CDIN1: variants seen among roughly 807,000 people sequenced by gnomAD.
CDIN1 encodes CDAN1 interacting nuclease 1, also known as CDAN1-interacting nuclease 1.
A neutral mutation model predicts 45.3 loss-of-function variants in CDIN1; 33 were observed. That is an observed-to-expected ratio of 0.73 (90% CI 0.55 to 0.97). CDIN1 has a LOEUF of 0.97. Ranked by LOEUF, CDIN1 falls within the 50% of genes least tolerant of loss-of-function variation. CDIN1 has a pLI of 0.00. For synonymous variants in CDIN1, 118 were observed against 124.4 expected, an observed-to-expected ratio of 0.95 and a Z score of 0.34; for missense variants, 303 against 339.4, an observed-to-expected ratio of 0.89 and a Z score of 0.84.
At chr15:36,755,408 A>G (rs534524856) in intron 10 of CDIN1, among the ~76,000 whole-genome samples, 47 of 152,128 alleles carry the variant, frequency 3.1e-4, no homozygotes, top group Non-Finnish European at 6.0e-4. Context: ...CGCTCATTGA[A>G]TCGCTGTTTT....
chr15:36,753,419 A>G (rs1473708127), intron 10 of CDIN1, among the ~76,000 whole-genome samples: 2 of 152,124 alleles, frequency 1.3e-5, no homozygotes, highest in East Asian at 1.9e-4. Flanking sequence ...GGGATCATGT[A>G]GATGGTTTGC....
At chr15:36,791,296 A>G (rs1467410101) in intron 10 of CDIN1, among the ~76,000 whole-genome samples, 5 of 152,196 alleles carry the variant, frequency 3.3e-5, no homozygotes, top group African/African-American at 1.2e-4. Context: ...TTCAATGTCT[A>G]CTGTGTGCCA....
chr15:36,648,204 T>C, intron 3 of CDIN1, among the ~76,000 whole-genome samples: 1 of 152,110 alleles, frequency 6.6e-6, no homozygotes, highest in Non-Finnish European at 1.5e-5. Context: ...TCTACTGGCA[T>C]TTTTCATTTT....
intron 10 of CDIN1, chr15:36,804,663 C>T (rs2055164547): frequency 7.7e-6 from 1 of 129,400 alleles, no homozygotes; most frequent in Admixed American, 8.8e-5. Context: ...TGAAATGAAA[C>T]CAGAGAATCA....
Position 36,808,716 on chromosome 15 carries a change from GAT to G in CDIN1, c.*265_*266del. 2.0e-6 allele frequency: 1 copy of G among 506,462 alleles called. No homozygotes were observed. The highest frequency in any genetic ancestry group is 2.0e-5 in the South Asian group (1 of 50,320). The allele number at this position is 506,462 out of a possible 1,614,324, so 31.4% of individuals were successfully genotyped here. A position where few individuals can be genotyped will look rare whatever the true frequency, so the allele number is the denominator to read the frequency against. ...GTCTCTGTCAAACAATTAGTTTATAGATAGTCATAATCTTTCTTTCTTCCGGA... is the reference window on the plus strand; with the variant it reads ...GTCTCTGTCAAACAATTAGTTTATAGAGTCATAATCTTTCTTTCTTCCGGA... On this transcript the variant is annotated 3_prime_UTR_variant, in exon 11 of 11. Coordinates refer to ENST00000566621, the MANE Select transcript of CDIN1 (RefSeq NM_001321759.2).
chr15:36,646,808 A>G (rs1358527135), intron 3 of CDIN1, among the ~76,000 whole-genome samples: 2 of 152,148 alleles, frequency 1.3e-5, no homozygotes, highest in African/African-American at 4.8e-5. Flanking sequence ...TTTCCTGGAA[A>G]TTCGGAGATC....
At chr15:36,808,186 T>G in intron 10 of CDIN1, 138 bp from the exon 11 acceptor site, 1 of 1,158,748 alleles carries the variant, frequency 8.6e-7, no homozygotes. Flanking sequence ...TTGGCTATTT[T>G]CAGTCACAAT....
chr15:36,704,649 T>C lies in CDIN1; in HGVS notation c.545-4574T>C, dbSNP rs572108180. The C allele has an allele frequency of 2.6e-5, 4 of 152,162 alleles. No homozygotes were observed. In the South Asian group the frequency reaches 8.3e-4, roughly 32 times the overall value. The allele number at this position is 152,162 out of a possible 1,614,324, so 9.4% of individuals were successfully genotyped here. On this transcript the variant is annotated intron_variant, in intron 8 of 10. Coordinates refer to ENST00000566621, the MANE Select transcript of CDIN1 (RefSeq NM_001321759.2). ...TAGTTTTAATATGTATTGATACATG[T>C]CTTTTTGCCCTCCCCCAATTTAGTA...
intron 1 of CDIN1, among the ~76,000 whole-genome samples, chr15:36,588,403 A>G (rs970696331): frequency 6.6e-6 from 1 of 152,164 alleles, no homozygotes; most frequent in Non-Finnish European, 1.5e-5. Flanking sequence ...TCAATTTTCT[A>G]CACTTCTGAT....
At chr15:36,671,851 CTTGTG>C (rs1333645660) in intron 5 of CDIN1, among the ~76,000 whole-genome samples, 4 of 151,996 alleles carry the variant, frequency 2.6e-5, no homozygotes, top group Admixed American at 1.3e-4. Flanking sequence ...AAAATTGAGC[CTTGTG>C]TTGTGTGCAG....
chr15:36,764,366 T>C (rs2053856707), intron 10 of CDIN1, among the ~76,000 whole-genome samples: 2 of 152,272 alleles, frequency 1.3e-5, no homozygotes, highest in South Asian at 4.1e-4. Context: ...TATCCAGTTG[T>C]CTAGTAACAT....
At chr15:36,630,524 T>C (rs1412588415) in intron 1 of CDIN1, among the ~76,000 whole-genome samples, 7 of 152,178 alleles carry the variant, frequency 4.6e-5, no homozygotes, top group Admixed American at 4.6e-4. Flanking sequence ...ATAAAGACAA[T>C]ATTCCCTATT....
chr15:36,595,196 G>A (rs1277446509), intron 1 of CDIN1, among the ~76,000 whole-genome samples: 1 of 151,526 alleles, frequency 6.6e-6, no homozygotes, highest in Non-Finnish European at 1.5e-5. Context: ...TTAAGAGAAT[G>A]TGTGGGAATT....
chr15:36,592,994 A>G (rs1156561866), intron 1 of CDIN1, among the ~76,000 whole-genome samples: 2 of 152,240 alleles, frequency 1.3e-5, no homozygotes, highest in Non-Finnish European at 2.9e-5. Flanking sequence ...CAGAGGGAAG[A>G]TACCTAATTG....
chr15:36,617,234 C>T, intron 1 of CDIN1: 1 of 880,414 alleles, frequency 1.1e-6, no homozygotes. Context: ...ACAGCAGCCA[C>T]ATCGGGTGCT....
At chr15:36,753,225 C>T (rs569382579) in intron 10 of CDIN1, among the ~76,000 whole-genome samples, 7 of 152,256 alleles carry the variant, frequency 4.6e-5, no homozygotes, top group South Asian at 4.1e-4. Flanking sequence ...TTATTCCAAT[C>T]GTTAACATTC....
chr15:36,606,964 G>A (rs1024201118), intron 1 of CDIN1, among the ~76,000 whole-genome samples: 1 of 152,166 alleles, frequency 6.6e-6, no homozygotes, highest in African/African-American at 2.4e-5. Context: ...TTGAATTGAG[G>A]TTTAAAGCAG....
intron 10 of CDIN1, among the ~76,000 whole-genome samples, chr15:36,794,269 A>C (rs934547033): frequency 6.6e-6 from 1 of 152,092 alleles, no homozygotes; most frequent in African/African-American, 2.4e-5. Context: ...TGTGTTAGCC[A>C]GGATGGTCTC....
intron 1 of CDIN1, among the ~76,000 whole-genome samples, chr15:36,590,838 A>G (rs2037537335): frequency 6.6e-6 from 1 of 152,198 alleles, no homozygotes; most frequent in South Asian, 2.1e-4. Flanking sequence ...ACTATATAGG[A>G]TGGGAAAGGT....
Sources: allele counts gnomAD v4.1 joint callset (sites outside exome capture counted in the v4.1 genomes callset), GRCh38; gene constraint gnomAD v4.1.1; transcripts MANE v1.5; gene names NCBI Gene and HGNC (gene_info 2026-07-23, HGNC 2026-07-21).